Variants in CDH12 observed in about 807,000 individuals in gnomAD.
CDH12 encodes cadherin 12.
CDH12 carries 41 observed loss-of-function variants against 74.1 expected under a neutral mutation model. The observed-to-expected ratio is 0.55, with a 90% CI of 0.43 to 0.72. The LOEUF is 0.72. Among genes scored for constraint, CDH12 ranks in the 30% least tolerant of loss-of-function variants. CDH12 has a pLI of 0.00. For synonymous variants in CDH12, 399 were observed against 355.0 expected (o/e 1.12, Z -1.39); for missense variants, 945 against 977.2 (o/e 0.97, Z 0.44).
At chr5:22,410,367 G>T (rs1188421547) in intron 2 of CDH12, among the ~76,000 whole-genome samples, 1 of 152,056 alleles carries the variant, frequency 6.6e-6, no homozygotes, top group Non-Finnish European at 1.5e-5. Flanking sequence ...TATCTTGTTT[G>T]ACTGTAGGTC....
At chr5:22,512,660 T>C (rs1238279030) in intron 1 of CDH12, among the ~76,000 whole-genome samples, 1 of 152,174 alleles carries the variant, frequency 6.6e-6, no homozygotes, top group Non-Finnish European at 1.5e-5. Flanking sequence ...CCAATGCCCC[T>C]ACGATAATGA....
chr5:21,936,194 T>A (rs1184868152), intron 6 of CDH12, among the ~76,000 whole-genome samples: 2 of 152,198 alleles, frequency 1.3e-5, no homozygotes, highest in Non-Finnish European at 2.9e-5. Context: ...GTCATACTAA[T>A]GTACATTCCC....
intron 6 of CDH12, among the ~76,000 whole-genome samples, chr5:21,917,314 G>C (rs1754144283): frequency 6.6e-6 from 1 of 152,202 alleles, no homozygotes; most frequent in African/African-American, 2.4e-5. Context: ...CCCATGCCCA[G>C]AACTGGGATG....
intron 3 of CDH12, among the ~76,000 whole-genome samples, chr5:22,298,272 C>T (rs910730300): frequency 9.2e-5 from 14 of 151,456 alleles, no homozygotes; most frequent in Non-Finnish European, 2.1e-4. Flanking sequence ...ATATATAGCA[C>T]TTATTTAAAT....
At chr5:22,754,416 C>G (rs1323589087) in intron 1 of CDH12, among the ~76,000 whole-genome samples, 4 of 151,854 alleles carry the variant, frequency 2.6e-5, no homozygotes, top group African/African-American at 9.7e-5. Flanking sequence ...AGATGGAAAA[C>G]AGCATGGTGA....
chr5:22,251,859 GA>G (rs1052645273), intron 3 of CDH12, among the ~76,000 whole-genome samples: 1 of 151,606 alleles, frequency 6.6e-6, no homozygotes, highest in Non-Finnish European at 1.5e-5. Context: ...CCAAGTAGCA[GA>G]AAAAAATATA....
intron 4 of CDH12, among the ~76,000 whole-genome samples, chr5:22,140,693 G>A (rs1746738969): frequency 6.6e-6 from 1 of 152,092 alleles, no homozygotes; most frequent in South Asian, 2.1e-4. Flanking sequence ...TCCCATCTCA[G>A]GAATCAGAAA....
At chr5:22,404,416 A>G (rs946519392) in intron 3 of CDH12, among the ~76,000 whole-genome samples, 1 of 152,208 alleles carries the variant, frequency 6.6e-6, no homozygotes, top group African/African-American at 2.4e-5. Context: ...AACTTGGCTT[A>G]GTATTTAACA....
At chr5:22,394,219 G>A (rs1742360540) in intron 3 of CDH12, among the ~76,000 whole-genome samples, 1 of 152,024 alleles carries the variant, frequency 6.6e-6, no homozygotes, top group Non-Finnish European at 1.5e-5. Flanking sequence ...TCTGAGAATA[G>A]AAATGGTATT....
chr5:21,982,079 G>A (rs1385118107), intron 5 of CDH12, among the ~76,000 whole-genome samples: 1 of 152,136 alleles, frequency 6.6e-6, no homozygotes, highest in African/African-American at 2.4e-5. Flanking sequence ...GTGTGCCTCT[G>A]TGGGTGTTTC....
chr5:22,438,201 T>C (rs1017851299), intron 2 of CDH12, among the ~76,000 whole-genome samples: 1 of 152,068 alleles, frequency 6.6e-6, no homozygotes, highest in Non-Finnish European at 1.5e-5. Context: ...TCTCATAGGC[T>C]TGCATTGGAC....
intron 1 of CDH12, among the ~76,000 whole-genome samples, chr5:22,769,947 G>T (rs1398505012): frequency 6.6e-6 from 1 of 151,792 alleles, no homozygotes; most frequent in Admixed American, 6.6e-5. Context: ...AAATAGACAA[G>T]ATACACGCAC....
Position 22,504,923 on chromosome 5 carries a change from A to T in CDH12, c.-428+347T>A, listed in dbSNP as rs182245472. On this transcript the variant is annotated intron_variant, in intron 2 of 14. Transcript: ENST00000382254. ...ACAAAGCATCATAAAAAAACAGAAT[A>T]AAAAAGGCAGAAATCACTTTCTGTT... 8.9e-3 allele frequency among the ~76,000 whole-genome samples: 1,361 copies of T among 152,124 alleles called. 22 individuals are homozygous for T. Among genetic ancestry groups the T allele is most frequent in the African/African-American group, 0.031 (1,295 of 41,544 alleles).
At chr5:21,896,174 G>T (rs1753115000) in intron 6 of CDH12, among the ~76,000 whole-genome samples, 1 of 151,582 alleles carries the variant, frequency 6.6e-6, no homozygotes, top group South Asian at 2.1e-4. Flanking sequence ...TAATCAAATA[G>T]AATTCATTCC....
chr5:22,498,500 TA>T (rs1370647268), intron 2 of CDH12, among the ~76,000 whole-genome samples: 7 of 151,982 alleles, frequency 4.6e-5, no homozygotes, highest in Non-Finnish European at 1.0e-4. Flanking sequence ...TTATATAAAC[TA>T]GGGATAAAAT....
intron 8 of CDH12, among the ~76,000 whole-genome samples, chr5:21,841,553 G>A (rs1749852589): frequency 6.7e-6 from 1 of 148,476 alleles, no homozygotes; most frequent in Non-Finnish European, 1.5e-5. Context: ...AAAGACACAT[G>A]CACACGTATG....
intron 3 of CDH12, among the ~76,000 whole-genome samples, chr5:22,287,219 T>G (rs912297531): frequency 2.0e-5 from 3 of 152,204 alleles, no homozygotes; most frequent in Non-Finnish European, 4.4e-5. Flanking sequence ...AAGAGTCTCC[T>G]TTTGCCATTT....
intron 9 of CDH12, among the ~76,000 whole-genome samples, chr5:21,806,496 ACCAAGACAACCTGGTTTTGT>A (rs1747433544): frequency 6.6e-6 from 1 of 152,158 alleles, no homozygotes; most frequent in African/African-American, 2.4e-5. Flanking sequence ...AACGTGATTT[ACCAAGACAACCTGGTTTTGT>A]CCATGCTCTG....
intron 8 of CDH12, among the ~76,000 whole-genome samples, chr5:21,835,328 T>G (rs116290823): frequency 0.02 from 3,077 of 151,856 alleles, 50 homozygotes; most frequent in Non-Finnish European, 0.032. Flanking sequence ...TAAAGAATTA[T>G]GAATGCTCAG....
Sources: gnomAD v4.1 joint callset for allele counts (sites outside exome capture counted in the v4.1 genomes callset) on GRCh38, gnomAD v4.1.1 for gene constraint, MANE v1.5 for transcripts, NCBI Gene and HGNC (gene_info 2026-07-23, HGNC 2026-07-21) for gene names.